Variants in PCDHA6 observed in about 807,000 individuals in gnomAD.
PCDHA6 encodes the protein protocadherin alpha 6.
In PCDHA6, 55 loss-of-function variants were observed where a neutral mutation model predicts 60.3. The observed-to-expected ratio is 0.91, with a 90% CI of 0.73 to 1.14. The LOEUF (loss-of-function observed/expected upper bound fraction) is 1.14. PCDHA6 is among the 50% of genes most tolerant of loss of function. PCDHA6 has a pLI of 0.00. For synonymous variants in PCDHA6, 652 were observed against 557.9 expected, an observed-to-expected ratio of 1.17 and a Z score of -2.38; for missense variants, 1,327 against 1,256.5, an observed-to-expected ratio of 1.06 and a Z score of -0.85.
intron 1 of PCDHA6, chr5:140,850,119 G>A: frequency 1.3e-6 from 2 of 1,596,076 alleles, no homozygotes; most frequent in East Asian, 2.2e-5. Flanking sequence ...CGACGCGGGC[G>A]TGCCGCCTCT....
chr5:140,956,701 G>T (rs549659732), intron 1 of PCDHA6, among the ~76,000 whole-genome samples: 1 of 152,138 alleles, frequency 6.6e-6, no homozygotes, highest in Non-Finnish European at 1.5e-5. Context: ...CCATTGTTTG[G>T]AATAGCTTCA....
chr5:140,837,248 CTTTT>C (rs1379591542), intron 1 of PCDHA6: 2 of 152,172 alleles, frequency 1.3e-5, no homozygotes, highest in African/African-American at 2.4e-5. Flanking sequence ...TATTTATCTT[CTTTT>C]TATCATATTT....
At chr5:140,910,780 C>T (rs2075160544) in intron 1 of PCDHA6, among the ~76,000 whole-genome samples, 1 of 152,192 alleles carries the variant, frequency 6.6e-6, no homozygotes, top group South Asian at 2.1e-4. Flanking sequence ...CAAGCTGCAA[C>T]ATTAAATGCA....
At chr5:140,851,915 T>G (rs1554145604) in intron 1 of PCDHA6, 1 of 967,000 alleles carries the variant, frequency 1.0e-6, no homozygotes, top group Non-Finnish European at 1.2e-6. Context: ...TGTCACTACA[T>G]GTTATGTTTC....
chr5:140,842,856 C>G, intron 1 of PCDHA6: 1 of 1,593,922 alleles, frequency 6.3e-7, no homozygotes, highest in Non-Finnish European at 8.6e-7. Flanking sequence ...TCGGTGCACA[C>G]GGAGAGCGGC....
intron 1 of PCDHA6, among the ~76,000 whole-genome samples, chr5:140,906,844 G>C (rs1295549477): frequency 6.6e-6 from 1 of 152,192 alleles, no homozygotes; most frequent in Non-Finnish European, 1.5e-5. Context: ...TTCATCTTGA[G>C]AGTCTGGGTC....
intron 1 of PCDHA6, chr5:140,854,252 T>C (rs1188551859): frequency 1.8e-5 from 11 of 627,946 alleles, no homozygotes; most frequent in African/African-American, 2.0e-5. Flanking sequence ...TCACTTGGTA[T>C]AAAATGTACA....
chr5:140,884,797 T>A, intron 1 of PCDHA6: 1 of 1,276,990 alleles, frequency 7.8e-7, no homozygotes, highest in Non-Finnish European at 1.1e-6. Flanking sequence ...TTATCGAATT[T>A]AACAACTCTG....
intron 1 of PCDHA6, chr5:140,927,681 G>A: frequency 6.2e-7 from 1 of 1,614,180 alleles, no homozygotes; most frequent in Non-Finnish European, 8.5e-7. Flanking sequence ...CAGATGAAGG[G>A]TCCAATGGGG....
At chr5:140,958,746 G>A (rs946339571) in intron 1 of PCDHA6, among the ~76,000 whole-genome samples, 3 of 152,184 alleles carry the variant, frequency 2.0e-5, no homozygotes, top group African/African-American at 7.2e-5. Context: ...AGAGAGAAAG[G>A]AGATTTTTAC....
chr5:140,950,959 T>C (rs969091651), intron 1 of PCDHA6, among the ~76,000 whole-genome samples: 5 of 152,120 alleles, frequency 3.3e-5, no homozygotes, highest in Non-Finnish European at 5.9e-5. Context: ...TCTATTGATC[T>C]ATTTTCAGAT....
At chr5:140,843,690 A>G (rs2150365181) in intron 1 of PCDHA6, 2 of 1,587,072 alleles carry the variant, frequency 1.3e-6, no homozygotes, top group Admixed American at 3.4e-5. Context: ...GAAGAGCAAG[A>G]TTTAAATGTT....
chr5:140,978,978 C>T lies in PCDHA6; in HGVS notation c.2424C>T (p.Tyr808=). Residue 808 remains tyrosine (Y), a synonymous_variant, in exon 2 of 4, where the codon TAC becomes TAT. Coordinates refer to ENST00000529310, the MANE Select transcript of PCDHA6 (RefSeq NM_018909.4). ...KPRQPNPDWR[Y]SASLRAGMHS... ...GACAGCCCAACCCTGACTGGCGTTA[C>T]TCTGCCTCCCTGAGAGCAGGCATGC... 1 of 1,614,204 alleles carries T rather than the reference C, an allele frequency of 6.2e-7. No homozygotes were observed. The highest frequency in any genetic ancestry group is 8.5e-7 in the Non-Finnish European group (1 of 1,180,030).
At chr5:140,836,909 C>G in intron 1 of PCDHA6, 1 of 579,744 alleles carries the variant, frequency 1.7e-6, no homozygotes, top group South Asian at 2.9e-5. Context: ...TTAATATACA[C>G]TTTTGTTTTG....
Position 140,961,969 on chromosome 5 carries a change from C to A in PCDHA6, c.2395-16980C>A, listed in dbSNP as rs188846719. ...CATGATCTCGGCTCACTGCAACCTCCGCCTCCTGGGTTCACGCCATTGTCC... is the reference window on the plus strand; with the variant it reads ...CATGATCTCGGCTCACTGCAACCTCAGCCTCCTGGGTTCACGCCATTGTCC... On this transcript the variant is annotated intron_variant, in intron 1 of 3. Transcript: ENST00000529310. 8.7e-4 allele frequency among the ~76,000 whole-genome samples: 132 copies of A among 151,904 alleles called. 1 individual carries two copies. Among genetic ancestry groups the A allele is most frequent in the African/African-American group, 3.0e-3 (126 of 41,408 alleles).
intron 1 of PCDHA6, among the ~76,000 whole-genome samples, chr5:140,840,706 G>A (rs1262374408): frequency 6.6e-6 from 1 of 151,968 alleles, no homozygotes; most frequent in African/African-American, 2.4e-5. Flanking sequence ...CAGGCAATTT[G>A]ACATTTATTG....
At chr5:141,007,402 A>G in intron 3 of PCDHA6, among the ~76,000 whole-genome samples, 2 of 149,740 alleles carry the variant, frequency 1.3e-5, no homozygotes. Context: ...ATACAAAAAA[A>G]AAAAAAAAAA....
chr5:140,988,214 A>AG (rs1408259452), intron 3 of PCDHA6, among the ~76,000 whole-genome samples: 28 of 152,200 alleles, frequency 1.8e-4, no homozygotes, highest in Non-Finnish European at 4.4e-5. Flanking sequence ...AGGAAAAAAA[A>AG]ATGAGATCAG....
intron 1 of PCDHA6, among the ~76,000 whole-genome samples, chr5:140,962,145 G>A (rs1195781182): frequency 3.3e-5 from 5 of 152,074 alleles, no homozygotes; most frequent in Non-Finnish European, 7.4e-5. Flanking sequence ...AAAGTGCTGG[G>A]ATTACAGGCG....
Sources: allele counts gnomAD v4.1 joint callset (sites outside exome capture counted in the v4.1 genomes callset), GRCh38; gene constraint gnomAD v4.1.1; transcripts MANE v1.5; gene names NCBI Gene and HGNC (gene_info 2026-07-23, HGNC 2026-07-21).